PAH: variants seen among roughly 807,000 people sequenced by gnomAD.
The protein encoded by PAH is phenylalanine hydroxylase, also known as phenylalanine-4-hydroxylase.
In PAH, 64 loss-of-function variants were observed where a neutral mutation model predicts 62.0. That is an observed-to-expected ratio of 1.03 (90% CI 0.84 to 1.27). The LOEUF is 1.27. Ranked by LOEUF, PAH falls within the 50% of genes most tolerant of loss-of-function variation. PAH has a pLI of 0.00. For synonymous variants in PAH, 195 were observed against 196.2 expected, an observed-to-expected ratio of 0.99 and a Z score of 0.05; for missense variants, 579 against 542.8, an observed-to-expected ratio of 1.07 and a Z score of -0.66.
intron 3 of PAH, among the ~76,000 whole-genome samples, chr12:102,887,102 G>T (rs897679762): frequency 6.6e-6 from 1 of 151,934 alleles, no homozygotes; most frequent in Non-Finnish European, 1.5e-5. Context: ...CAAAAATGTC[G>T]AAGAGGATGA....
intron 2 of PAH, among the ~76,000 whole-genome samples, chr12:102,908,213 G>A (rs1246096164): frequency 1.4e-5 from 2 of 140,422 alleles, no homozygotes; most frequent in Non-Finnish European, 3.0e-5. Flanking sequence ...ACCACCCCCT[G>A]CAGCCCCGAC....
intron 3 of PAH, among the ~76,000 whole-genome samples, chr12:102,885,588 G>A (rs550177027): frequency 6.6e-6 from 1 of 152,284 alleles, no homozygotes; most frequent in South Asian, 2.1e-4. Flanking sequence ...AGCTGGCCCT[G>A]GACACCCACG....
At chr12:102,898,978 G>A (rs1877622353) in intron 2 of PAH, among the ~76,000 whole-genome samples, 10 of 152,190 alleles carry the variant, frequency 6.6e-5, no homozygotes, top group Admixed American at 6.5e-4. Flanking sequence ...TGTGGCTAGG[G>A]AAACCCACAG....
At chr12:102,890,555 T>C (rs2136696585) in intron 3 of PAH, among the ~76,000 whole-genome samples, 1 of 152,344 alleles carries the variant, frequency 6.6e-6, no homozygotes, top group South Asian at 2.1e-4. Flanking sequence ...GCAGCCACTA[T>C]GGGATTGGGT....
intron 1 of PAH, among the ~76,000 whole-genome samples, chr12:102,928,900 T>C (rs1019897961): frequency 2.1e-4 from 32 of 152,194 alleles, no homozygotes; most frequent in Non-Finnish European, 7.3e-5. Flanking sequence ...TGATTATAAC[T>C]GCCTTCCTGA....
At chr12:102,872,513 G>A (rs1876388580) in intron 4 of PAH, among the ~76,000 whole-genome samples, 1 of 152,190 alleles carries the variant, frequency 6.6e-6, no homozygotes, top group South Asian at 2.1e-4. Context: ...ACTCTTAGAA[G>A]GAACTCTGAC....
At chr12:102,846,219 T>C (rs1298047312) in intron 9 of PAH, among the ~76,000 whole-genome samples, 14 of 152,196 alleles carry the variant, frequency 9.2e-5, no homozygotes. Flanking sequence ...TTTAGCCTTT[T>C]GATGGAACGA....
At chr12:102,854,686 G>A (rs1307905945) in intron 6 of PAH, 4 of 243,516 alleles carry the variant, frequency 1.6e-5, no homozygotes. Context: ...GGAGAGGATT[G>A]AAGGCAGGAT....
chr12:102,927,095 A>G (rs946962551), intron 1 of PAH, among the ~76,000 whole-genome samples: 1 of 152,168 alleles, frequency 6.6e-6, no homozygotes, highest in South Asian at 2.1e-4. Flanking sequence ...AATAGAAGAC[A>G]CTTAGGGGCA....
At chr12:102,900,457 A>T (rs558411623) in intron 2 of PAH, among the ~76,000 whole-genome samples, 33 of 152,262 alleles carry the variant, frequency 2.2e-4, no homozygotes, top group African/African-American at 7.7e-4. Flanking sequence ...TTATTAAAAA[A>T]TGTTTAAAAA....
intron 4 of PAH, among the ~76,000 whole-genome samples, chr12:102,869,505 AAG>A (rs1229358784): frequency 6.6e-6 from 1 of 152,236 alleles, no homozygotes; most frequent in African/African-American, 2.4e-5. Flanking sequence ...GAATAAAAAA[AAG>A]AAAATAGTAT....
intron 1 of PAH, among the ~76,000 whole-genome samples, chr12:102,937,611 T>C (rs1879146362): frequency 6.6e-6 from 1 of 152,184 alleles, no homozygotes; most frequent in South Asian, 2.1e-4. Context: ...TTATATATTA[T>C]TGTACTTTCA....
chr12:102,880,337 C>T (rs1876764238), intron 3 of PAH, among the ~76,000 whole-genome samples: 1 of 152,166 alleles, frequency 6.6e-6, no homozygotes, highest in South Asian at 2.1e-4. Flanking sequence ...TTTAGAGTCA[C>T]CCAGGGCTCA....
At chr12:102,894,082 A>C (rs528916820) in intron 3 of PAH, among the ~76,000 whole-genome samples, 1 of 152,150 alleles carries the variant, frequency 6.6e-6, no homozygotes, top group South Asian at 2.1e-4. Context: ...GAGTGGAGAG[A>C]TTCAAAAATC....
intron 1 of PAH, among the ~76,000 whole-genome samples, chr12:102,926,146 G>A (rs1878676099): frequency 6.6e-6 from 1 of 151,974 alleles, no homozygotes; most frequent in South Asian, 2.1e-4. Flanking sequence ...AGACAAAAAA[G>A]GCAAGATAAA....
chr12:102,930,914 T>C (rs1458852237), intron 1 of PAH, among the ~76,000 whole-genome samples: 1 of 152,180 alleles, frequency 6.6e-6, no homozygotes, highest in Non-Finnish European at 1.5e-5. Flanking sequence ...CAATATGTCT[T>C]ACGTATCTAT....
At chr12:102,865,282 C>T (rs1049912084) in intron 5 of PAH, among the ~76,000 whole-genome samples, 5 of 152,148 alleles carry the variant, frequency 3.3e-5, no homozygotes, top group Non-Finnish European at 7.3e-5. Context: ...AGTGCAGTCT[C>T]TAGACTCTAG....
chr12:102,895,048 G>T (rs1877444930), intron 2 of PAH, 130 bp from the exon 3 acceptor site: 1 of 735,274 alleles, frequency 1.4e-6, no homozygotes, highest in Non-Finnish European at 2.3e-6. Context: ...TTTTATAAGA[G>T]TATAAAAAAG....
chr12:102,904,735 T>C (rs754425163), intron 2 of PAH: 9 of 509,552 alleles, frequency 1.8e-5, no homozygotes, highest in Non-Finnish European at 3.1e-5. Context: ...AGCTTAAAGG[T>C]CTCATCCGTA....
Sources: allele counts gnomAD v4.1 joint callset (sites outside exome capture counted in the v4.1 genomes callset), GRCh38; gene constraint gnomAD v4.1.1; transcripts MANE v1.5; gene names NCBI Gene and HGNC (gene_info 2026-07-23, HGNC 2026-07-21).